Variants in MYO9A observed in about 807,000 individuals in gnomAD.
MYO9A encodes unconventional myosin-IXa.
MYO9A carries 103 observed loss-of-function variants against 293.3 expected under a neutral mutation model. The ratio of observed to expected loss-of-function variants is 0.35; its 90% CI spans 0.30 to 0.41. The LOEUF is 0.41. Among genes scored for constraint, MYO9A ranks in the 10% least tolerant of loss-of-function variants. The pLI is 1.00. For missense variants in MYO9A, 2,685 were observed against 3,033.0 expected (o/e 0.89, Z 2.69); for synonymous variants, 1,001 against 1,035.7 (o/e 0.97, Z 0.64).
In MYO9A at chr15:71,833,162, A is replaced by G. The variant is rs190374145; in HGVS notation, c.6838-2851T>C. ...CCAAATATATTGGTGAGTATATTAA[A>G]TATAAATAGATGAAATGCTCCTATT... On this transcript the variant is annotated intron_variant, in intron 39 of 41. Coordinates refer to ENST00000356056, the MANE Select transcript of MYO9A (RefSeq NM_006901.4). 4.0e-3 allele frequency among the ~76,000 whole-genome samples: 610 copies of G among 152,118 alleles called. 3 individuals carry two copies. Among genetic ancestry groups the G allele is most frequent in the African/African-American group, 0.014 (573 of 41,576 alleles).
chr15:71,970,685 C>A (rs570447293), intron 12 of MYO9A, among the ~76,000 whole-genome samples: 4 of 152,290 alleles, frequency 2.6e-5, no homozygotes, highest in African/African-American at 9.6e-5. Flanking sequence ...CTACCTACAA[C>A]AATACGCTGA....
intron 15 of MYO9A, among the ~76,000 whole-genome samples, chr15:71,939,179 G>A (rs984605791): frequency 6.6e-6 from 1 of 152,104 alleles, no homozygotes; most frequent in African/African-American, 2.4e-5. Context: ...ATACAAGGGT[G>A]ACTGGACTGA....
rs191934840 is a variant in MYO9A at position 72,066,077 on chromosome 15, T to A, written c.-71-19443A>T. Among the ~76,000 whole-genome samples, 185 of 152,338 alleles carry A rather than the reference T, an allele frequency of 1.2e-3. 1 individual carries two copies. The highest frequency in any genetic ancestry group is 4.0e-3 in the African/African-American group (166 of 41,578). On this transcript the variant is annotated intron_variant, in intron 1 of 41. Coordinates refer to ENST00000356056, the MANE Select transcript of MYO9A (RefSeq NM_006901.4). ...AAAGAACATGTCCCATCTGGCCTAC[T>A]GGTGCACATAAGAAGATGAGATACA... is the stretch of plus-strand genomic sequence containing the variant.
chr15:71,866,676 C>T (rs1406951290), intron 32 of MYO9A, among the ~76,000 whole-genome samples: 1 of 152,070 alleles, frequency 6.6e-6, no homozygotes, highest in Non-Finnish European at 1.5e-5. Context: ...AATAGAAGTA[C>T]TAATAGATCT....
intron 33 of MYO9A, among the ~76,000 whole-genome samples, chr15:71,862,198 GCTCT>G (rs930739866): frequency 7.9e-5 from 12 of 152,224 alleles, no homozygotes; most frequent in African/African-American, 2.6e-4. Context: ...AGAAAAGAGA[GCTCT>G]CTGAGAAGGT....
At chr15:72,014,308 C>G (rs1411397515) in intron 6 of MYO9A, among the ~76,000 whole-genome samples, 1 of 152,206 alleles carries the variant, frequency 6.6e-6, no homozygotes, top group African/African-American at 2.4e-5. Context: ...TACTAACCTT[C>G]AAAGTCAATT....
At chr15:71,895,913 A>G (rs1291813861) in intron 25 of MYO9A, among the ~76,000 whole-genome samples, 2 of 151,166 alleles carry the variant, frequency 1.3e-5, no homozygotes, top group Non-Finnish European at 3.0e-5. Flanking sequence ...TAATACATAC[A>G]CACACATAAA....
At chr15:71,918,945 G>A (rs959213957) in intron 18 of MYO9A, among the ~76,000 whole-genome samples, 2 of 152,030 alleles carry the variant, frequency 1.3e-5, no homozygotes, top group Admixed American at 6.6e-5. Context: ...CTCTATAGCC[G>A]GGCCCTCACA....
chr15:71,904,148 C>A, intron 20 of MYO9A, 109 bp from the exon 21 acceptor site: 2 of 863,946 alleles, frequency 2.3e-6, no homozygotes, highest in South Asian at 1.6e-5. Context: ...TGGAGGTTGT[C>A]TGGTTAACAT....
chr15:72,096,239 G>A (rs2080060057), intron 1 of MYO9A, among the ~76,000 whole-genome samples: 2 of 151,732 alleles, frequency 1.3e-5, no homozygotes, highest in Admixed American at 6.6e-5. Flanking sequence ...TCAGGAGGTT[G>A]AGGTGGGAGA....
At chr15:72,101,503 G>A (rs2080320405) in intron 1 of MYO9A, among the ~76,000 whole-genome samples, 6 of 121,416 alleles carry the variant, frequency 4.9e-5, no homozygotes, top group Admixed American at 1.5e-4. Context: ...CGCCCCGTCC[G>A]GGAGGGAGGT....
intron 1 of MYO9A, among the ~76,000 whole-genome samples, chr15:72,067,729 T>C (rs1416358806): frequency 6.6e-6 from 1 of 152,182 alleles, no homozygotes; most frequent in East Asian, 1.9e-4. Context: ...CCACAAGACA[T>C]ATTTCTATTG....
intron 40 of MYO9A, among the ~76,000 whole-genome samples, chr15:71,828,475 GC>G (rs1373390512): frequency 6.6e-6 from 1 of 152,080 alleles, no homozygotes; most frequent in Non-Finnish European, 1.5e-5. Context: ...TTTCCATGAA[GC>G]TTACTAACTG....
chr15:72,052,744 T>A (rs753827906), intron 1 of MYO9A, among the ~76,000 whole-genome samples: 1 of 152,186 alleles, frequency 6.6e-6, no homozygotes, highest in Non-Finnish European at 1.5e-5. Context: ...CCAGCGCCTA[T>A]GCCAGCACCC....
At chr15:71,981,180 A>AT (rs1320696095) in intron 11 of MYO9A, among the ~76,000 whole-genome samples, 2 of 152,150 alleles carry the variant, frequency 1.3e-5, no homozygotes, top group Admixed American at 1.3e-4. Context: ...ATATTGATGG[A>AT]TTTTATTAAT....
At chr15:72,064,241 T>C (rs2078956610) in intron 1 of MYO9A, among the ~76,000 whole-genome samples, 1 of 152,114 alleles carries the variant, frequency 6.6e-6, no homozygotes. Context: ...TAAGATGTAG[T>C]ATTTGACGGC....
chr15:71,839,716 G>C (rs150568527), intron 39 of MYO9A, among the ~76,000 whole-genome samples: 1 of 151,914 alleles, frequency 6.6e-6, no homozygotes, highest in South Asian at 2.1e-4. Flanking sequence ...GGCCTGAATC[G>C]GCTTTTTTTT....
At chr15:72,019,673 T>C (rs902359358) in intron 5 of MYO9A, among the ~76,000 whole-genome samples, 1 of 152,234 alleles carries the variant, frequency 6.6e-6, no homozygotes, top group Non-Finnish European at 1.5e-5. Flanking sequence ...TATATTAATA[T>C]AGGTAGTTTC....
intron 41 of MYO9A, 96 bp from the exon 42 acceptor site, chr15:71,827,139 G>T (rs767345911): frequency 5.3e-5 from 51 of 967,906 alleles, no homozygotes; most frequent in Non-Finnish European, 7.5e-5. Flanking sequence ...CATGAAATTG[G>T]GTGGGATAAG....
Sources: gnomAD v4.1 joint callset for allele counts (sites outside exome capture counted in the v4.1 genomes callset) on GRCh38, gnomAD v4.1.1 for gene constraint, MANE v1.5 for transcripts, NCBI Gene and HGNC (gene_info 2026-07-23, HGNC 2026-07-21) for gene names.